PXDNL: variants seen among roughly 807,000 people sequenced by gnomAD.
The protein encoded by PXDNL is peroxidasin like.
PXDNL carries 145 observed loss-of-function variants against 150.8 expected under a neutral mutation model. The observed-to-expected ratio is 0.96, with a 90% confidence interval of 0.84 to 1.10. PXDNL has a LOEUF of 1.10. Among genes scored for constraint, PXDNL ranks in the 50% least tolerant of loss-of-function variants. The probability of loss-of-function intolerance (pLI) is 0.00; values close to 1 mark genes in which losing one functional copy is unlikely to be tolerated. For missense variants in PXDNL, 2,087 were observed against 1,873.9 expected (o/e 1.11, Z -2.10); for synonymous variants, 757 against 725.7 (o/e 1.04, Z -0.69).
At chr8:51,506,646 C>T (rs548832610) in intron 4 of PXDNL, among the ~76,000 whole-genome samples, 1 of 149,624 alleles carries the variant, frequency 6.7e-6, no homozygotes, top group Non-Finnish European at 1.5e-5. Flanking sequence ...CTTTCTCACT[C>T]TTTGTTCAAT....
At chr8:51,722,027 G>T in intron 1 of PXDNL, 1 of 199,160 alleles carries the variant, frequency 5.0e-6, no homozygotes, top group South Asian at 1.0e-4. Context: ...TCTTTAAGGA[G>T]AGCTGTAGTT....
At chr8:51,640,982 G>A (rs576297672) in intron 2 of PXDNL, among the ~76,000 whole-genome samples, 1 of 152,232 alleles carries the variant, frequency 6.6e-6, no homozygotes, top group Non-Finnish European at 1.5e-5. Flanking sequence ...AACCCAAACA[G>A]CATGGTACTG....
intron 17 of PXDNL, among the ~76,000 whole-genome samples, chr8:51,390,169 T>C (rs1213163666): frequency 6.6e-6 from 1 of 152,154 alleles, no homozygotes; most frequent in East Asian, 1.9e-4. Context: ...GCAAAGAACA[T>C]CTGGCATTAT....
intron 3 of PXDNL, among the ~76,000 whole-genome samples, chr8:51,558,437 G>T (rs984651955): frequency 6.6e-6 from 1 of 152,080 alleles, no homozygotes; most frequent in East Asian, 1.9e-4. Context: ...CTATTAGAAT[G>T]TTGAGAGCCA....
intron 4 of PXDNL, among the ~76,000 whole-genome samples, chr8:51,513,997 T>C (rs1473066202): frequency 6.6e-6 from 1 of 152,242 alleles, no homozygotes; most frequent in Non-Finnish European, 1.5e-5. Flanking sequence ...GGTTTTATTT[T>C]ACATTTCACT....
chr8:51,468,466 G>A (rs928215873), intron 8 of PXDNL, among the ~76,000 whole-genome samples: 3 of 149,558 alleles, frequency 2.0e-5, no homozygotes, highest in South Asian at 4.3e-4. Flanking sequence ...TTTACCTATC[G>A]ACTTTCCACC....
Position 51,719,439 on chromosome 8 carries a change from G to C in PXDNL, c.165-64679C>G, listed in dbSNP as rs960865157. Among the ~76,000 whole-genome samples, 4 of 152,066 alleles carry C rather than the reference G, an allele frequency of 2.6e-5. No individual in the cohort carries two copies. The East Asian group carries it at 7.8e-4, about 29-fold the overall frequency. On this transcript the variant is annotated intron_variant, in intron 1 of 22. Transcript: ENST00000356297. ...TGCTTTGTTAAACAGATGCTTGAAG[G>C]CAGCATGCTCTTTAAGAGTCATCAC... is the stretch of plus-strand genomic sequence containing the variant.
chr8:51,332,452 C>A (rs944792661), intron 21 of PXDNL, among the ~76,000 whole-genome samples: 25 of 151,960 alleles, frequency 1.6e-4, no homozygotes, highest in Admixed American at 1.5e-3. Flanking sequence ...ACTAGTTCAC[C>A]AGCAAAGGAT....
intron 8 of PXDNL, among the ~76,000 whole-genome samples, chr8:51,464,132 G>A (rs2392902): frequency 0.16 from 24,419 of 152,050 alleles, 2,156 homozygotes; most frequent in Middle Eastern, 0.25. Context: ...GGGAGGCTGA[G>A]GCAGGAGGAC....
Position 51,372,008 on chromosome 8 carries a change from C to A in PXDNL, c.3766G>T (p.Val1256Leu). ...TQLKQASLSRVLCDNGDSIQQ... is the reference protein window; with the variant it reads ...TQLKQASLSRLLCDNGDSIQQ... ...ATGCTGTCACCATTGTCACAAAGCA[C>A]CCGGCTCAGGGACGCCTGCTTCAGC... The change falls in exon 19 of 23, where the codon GTG (valine) becomes TTG (leucine). Residue 1256 changes from valine to leucine, a missense_variant. By Grantham distance (32) the Val-to-Leu change is conservative. Coordinates refer to ENST00000356297, the MANE Select transcript of PXDNL (RefSeq NM_144651.5). 3.1e-6 allele frequency: 5 copies of A among 1,613,078 alleles called. No homozygotes were observed. The highest frequency in any genetic ancestry group is 4.2e-6 in the Non-Finnish European group (5 of 1,179,524).
chr8:51,651,400 CA>C (rs1220047594), intron 2 of PXDNL, among the ~76,000 whole-genome samples: 46 of 152,016 alleles, frequency 3.0e-4, no homozygotes, highest in Non-Finnish European at 1.2e-4. Context: ...TTGAAATTTT[CA>C]AAATAAAACG....
intron 1 of PXDNL, among the ~76,000 whole-genome samples, chr8:51,676,396 C>T (rs921009292): frequency 1.4e-4 from 22 of 152,144 alleles, no homozygotes; most frequent in Non-Finnish European, 2.5e-4. Flanking sequence ...CCTGCCTCAG[C>T]CTCCCAAGTA....
rs1361839989 is a variant in PXDNL, at chr8:51,809,269, T to A, written c.76A>T (p.Ser26Cys). ...GWCLPGLPCP[S>C]RCLCFKSTVR... is the part of the protein sequence containing the mutation. ...GTGCTCTTAAAGCAAAGGCACCGGCTGGGGCAGGGCAACCCTGGCAGGCAC... is the reference window on the plus strand; with the variant it reads ...GTGCTCTTAAAGCAAAGGCACCGGCAGGGGCAGGGCAACCCTGGCAGGCAC... The change falls in exon 1 of 23, where the codon AGC becomes TGC. Residue 26 changes from serine (S) to cysteine (C), a missense_variant. Physicochemically the swap from Ser to Cys is moderately radical, Grantham distance 112. Coordinates refer to ENST00000356297, the MANE Select transcript of PXDNL (RefSeq NM_144651.5). 2.5e-6 allele frequency: 4 copies of A among 1,603,230 alleles called. No homozygotes were observed. Among genetic ancestry groups the A allele is most frequent in the African/African-American group, 1.3e-5 (1 of 74,724 alleles).
At chr8:51,759,532 C>T (rs1278260658) in intron 1 of PXDNL, among the ~76,000 whole-genome samples, 1 of 152,168 alleles carries the variant, frequency 6.6e-6, no homozygotes, top group East Asian at 1.9e-4. Context: ...AATAGGCACG[C>T]CCTAAATACT....
intron 4 of PXDNL, among the ~76,000 whole-genome samples, chr8:51,503,641 T>C (rs6982550): frequency 0.12 from 18,719 of 152,166 alleles, 1,458 homozygotes; most frequent in African/African-American, 0.21. Flanking sequence ...AATGATTACT[T>C]GAGAGGATTT....
intron 3 of PXDNL, among the ~76,000 whole-genome samples, chr8:51,577,589 T>C (rs1381590571): frequency 1.5e-5 from 2 of 134,554 alleles, no homozygotes; most frequent in African/African-American, 6.2e-5. Context: ...AATCTATCTA[T>C]CTACATATAT....
intron 2 of PXDNL, among the ~76,000 whole-genome samples, chr8:51,640,739 T>C (rs1324523333): frequency 6.6e-6 from 1 of 152,184 alleles, no homozygotes; most frequent in Non-Finnish European, 1.5e-5. Context: ...TCCATGCTCA[T>C]GGGTAGGAAG....
intron 3 of PXDNL, among the ~76,000 whole-genome samples, chr8:51,573,924 G>A (rs1475571604): frequency 2.0e-5 from 3 of 151,944 alleles, no homozygotes; most frequent in African/African-American, 7.2e-5. Context: ...TTAGGACACA[G>A]ACACAGAGTA....
intron 1 of PXDNL, among the ~76,000 whole-genome samples, chr8:51,787,182 G>C (rs746014000): frequency 2.0e-5 from 3 of 151,888 alleles, no homozygotes; most frequent in Non-Finnish European, 4.4e-5. Context: ...TGATGGAGAT[G>C]TACAAGGAGA....
Sources: gnomAD v4.1 joint callset for allele counts (sites outside exome capture counted in the v4.1 genomes callset) on GRCh38, gnomAD v4.1.1 for gene constraint, MANE v1.5 for transcripts, NCBI Gene and HGNC (gene_info 2026-07-23, HGNC 2026-07-21) for gene names.